MAP6: variants seen among roughly 807,000 people sequenced by gnomAD.
MAP6 encodes microtubule-associated protein 6.
MAP6 carries 26 observed loss-of-function variants against 42.4 expected under a neutral mutation model. The observed-to-expected ratio is 0.61, with a 90% confidence interval of 0.45 to 0.85. MAP6 has a LOEUF of 0.85. Ranked by LOEUF, MAP6 falls within the 40% of genes least tolerant of loss-of-function variation. The probability of loss-of-function intolerance (pLI) is 0.00; values close to 1 mark genes in which losing one functional copy is unlikely to be tolerated. For synonymous variants in MAP6, 418 were observed against 443.8 expected (o/e 0.94, Z 0.73); for missense variants, 966 against 1,099.0 (o/e 0.88, Z 1.71).
In MAP6 at chr11:75,623,183, T is replaced by C. The variant is rs1297321946; in HGVS notation, c.906-14861A>G. Among the ~76,000 whole-genome samples, 5 of 152,228 alleles carry C rather than the reference T, an allele frequency of 3.3e-5. No homozygotes were observed. The East Asian group carries it at 9.6e-4, about 29-fold the overall frequency. Reference sequence around the variant, plus strand: ...AGCAACAAAAAGAAATGAACCAATATGGATGACTCTTAAAAAGCATGCTAA... The same window carrying C: ...AGCAACAAAAAGAAATGAACCAATACGGATGACTCTTAAAAAGCATGCTAA... On this transcript the variant is annotated intron_variant, in intron 1 of 3. Transcript: ENST00000304771.
chr11:75,589,086 G>A (rs752574205), intron 3 of MAP6, among the ~76,000 whole-genome samples: 2 of 152,152 alleles, frequency 1.3e-5, no homozygotes, highest in Non-Finnish European at 2.9e-5. Context: ...GTAGGGATGA[G>A]GCCCTGATCC....
chr11:75,667,948 C>A lies in MAP6; in HGVS notation c.422G>T (p.Ser141Ile). ...GGGAGCGTCGGAGGGCTGGTATTCG[C>A]TGCGCGGCCGGCAGCTGGGCTCGGG... ...QRPEPSCRPR[S>I]EYQPSDAPFE... The change falls in exon 1 of 4, where the codon AGC (serine) becomes ATC (isoleucine). Residue 141 changes from serine (S) to isoleucine (I), a missense_variant. Physicochemically the swap from Ser to Ile is moderately radical, Grantham distance 142. Around this residue, in one of 2 missense-constraint regions of MAP6, gnomAD observed 943 missense variants for 1,049.9 expected, o/e 0.90. Transcript: ENST00000304771. This position sits in a 1 kb window ranked among gnomAD's most constrained non-coding sequence, Gnocchi z 5.6. The A allele has an allele frequency of 7.4e-7, 1 of 1,345,258 alleles. No individual in the cohort carries two copies. The highest frequency in any genetic ancestry group is 1.8e-5 in the South Asian group (1 of 55,134). The allele number at this position is 1,345,258 out of a possible 1,614,324, so 83.3% of individuals were successfully genotyped here. A position where few individuals can be genotyped will look rare whatever the true frequency, so the allele number is the denominator to read the frequency against.
chr11:75,612,032 C>T (rs1942904395), intron 1 of MAP6, among the ~76,000 whole-genome samples: 1 of 152,264 alleles, frequency 6.6e-6, no homozygotes, highest in South Asian at 2.1e-4. Flanking sequence ...CAGGGCCTGG[C>T]CTGCTGCCTG....
At chr11:75,638,762 T>C (rs2135651340) in intron 1 of MAP6, among the ~76,000 whole-genome samples, 1 of 152,272 alleles carries the variant, frequency 6.6e-6, no homozygotes, top group Non-Finnish European at 1.5e-5. Flanking sequence ...CTCAAATAAC[T>C]AAAAATAGAA....
At position 75,603,912 on chromosome 11, in the gene MAP6, A is replaced by C. The variant is rs1234521534; in HGVS notation, c.1316+1896T>G. On this transcript the variant is annotated intron_variant, in intron 3 of 3. Coordinates refer to ENST00000304771, the MANE Select transcript of MAP6 (RefSeq NM_033063.2). ...TGTCTGACTAATGCCAAATCTTGAGAGACTGAACATACATTGGCAAATCCT... is the reference window on the plus strand; with the variant it reads ...TGTCTGACTAATGCCAAATCTTGAGCGACTGAACATACATTGGCAAATCCT... The C allele has an allele frequency of 4.1e-6, 4 of 985,422 alleles. No individual in the cohort carries two copies. The East Asian group carries it at 4.5e-4, about 112-fold the overall frequency. The allele number at this position is 985,422 out of a possible 1,614,324, so 61.0% of individuals were successfully genotyped here.
chr11:75,624,088 C>T (rs1428633061), intron 1 of MAP6, among the ~76,000 whole-genome samples: 1 of 152,240 alleles, frequency 6.6e-6, no homozygotes, highest in Non-Finnish European at 1.5e-5. Context: ...GCTTCGATAT[C>T]TCTCTTTCTT....
At chr11:75,657,852 A>T (rs1434662774) in intron 1 of MAP6, among the ~76,000 whole-genome samples, 1 of 151,904 alleles carries the variant, frequency 6.6e-6, no homozygotes, top group African/African-American at 2.4e-5. Flanking sequence ...ACTTATAAGG[A>T]CTCTTGTGAT....
At chr11:75,626,293 G>C (rs1943193032) in intron 1 of MAP6, among the ~76,000 whole-genome samples, 1 of 152,132 alleles carries the variant, frequency 6.6e-6, no homozygotes, top group African/African-American at 2.4e-5. Flanking sequence ...ACAGACATCT[G>C]AACACTTTCA....
chr11:75,660,760 A>C (rs1943830240), intron 1 of MAP6, among the ~76,000 whole-genome samples: 1 of 152,158 alleles, frequency 6.6e-6, no homozygotes, highest in Admixed American at 6.5e-5. Context: ...TCAGTGACTC[A>C]TTATTGTCTA....
Position 75,668,902 on chromosome 11 carries a change from TGCCCGCGAGGATGCCGCAGCCGCCGCC to T in MAP6, c.-560_-534del. On this transcript the variant is annotated 5_prime_UTR_variant, in exon 1 of 4. Coordinates refer to ENST00000304771, the MANE Select transcript of MAP6 (RefSeq NM_033063.2). Reference sequence around the variant, plus strand: ...GACCGAGCATTGCTGCCTCCGCCGCTGCCCGCGAGGATGCCGCAGCCGCCGCCGCCACCGCCTCTTCTCCTGGGAAGC... The same window carrying T: ...GACCGAGCATTGCTGCCTCCGCCGCTGCCACCGCCTCTTCTCCTGGGAAGC... 1 of 163,394 alleles carries T rather than the reference TGCCCGCGAGGATGCCGCAGCCGCCGCC, an allele frequency of 6.1e-6. No homozygotes were observed. The highest frequency in any genetic ancestry group is 1.3e-4 in the South Asian group (1 of 7,506). 10.1% of individuals were successfully genotyped at this position (163,394 alleles called of 1,614,324 possible). A position where few individuals can be genotyped will look rare whatever the true frequency, so the allele number is the denominator to read the frequency against.
intron 1 of MAP6, among the ~76,000 whole-genome samples, chr11:75,617,514 CAAAAAAAAAAAAAA>C (rs61477947): frequency 3.6e-5 from 1 of 28,154 alleles, no homozygotes; most frequent in Non-Finnish European, 7.8e-5. Context: ...AGACTGTCTC[CAAAAAAAAAAAAAA>C]AAAAAAAAAA....
intron 1 of MAP6, among the ~76,000 whole-genome samples, chr11:75,633,938 G>A (rs538355019): frequency 1.3e-5 from 2 of 152,294 alleles, no homozygotes; most frequent in East Asian, 1.9e-4. Context: ...ATGTAGCTCC[G>A]AGTGGCACGA....
Position 75,606,022 on chromosome 11 carries a change from C to A in MAP6, c.1120-18G>T, listed in dbSNP as rs146759637. 114 of 1,610,126 alleles carry A rather than the reference C, an allele frequency of 7.1e-5. No homozygotes were observed. The African/African-American group carries it at 1.2e-3, about 17-fold the overall frequency. ...TTTTCCACCTGTACGGAGAGACAGA[C>A]CGCAAATACAGAAACACAAAAAGGT... On this transcript the variant is annotated intron_variant, in intron 2 of 3. Coordinates refer to ENST00000304771, the MANE Select transcript of MAP6 (RefSeq NM_033063.2).
Position 75,600,056 on chromosome 11 carries a change from T to A in MAP6, c.1316+5752A>T, listed in dbSNP as rs535625884. 5.9e-5 allele frequency among the ~76,000 whole-genome samples: 9 copies of A among 152,344 alleles called. No individual in the cohort carries two copies. In the South Asian group the frequency reaches 1.9e-3, roughly 32 times the overall value. On this transcript the variant is annotated intron_variant, in intron 3 of 3. Coordinates refer to ENST00000304771, the MANE Select transcript of MAP6 (RefSeq NM_033063.2). ...TCTTTAAAAGCAATCTTCTTAAGAATGTTTGCCTCAATCAACTTCGTGTAT... is the reference window on the plus strand; with the variant it reads ...TCTTTAAAAGCAATCTTCTTAAGAAAGTTTGCCTCAATCAACTTCGTGTAT...
chr11:75,609,289 T>C (rs1942843412), intron 1 of MAP6, among the ~76,000 whole-genome samples: 2 of 152,192 alleles, frequency 1.3e-5, no homozygotes, highest in South Asian at 4.1e-4. Context: ...ATGAACTCTG[T>C]GGCTTCTGGG....
intron 3 of MAP6, chr11:75,605,160 A>G (rs1386892930): frequency 3.0e-6 from 3 of 985,354 alleles, no homozygotes; most frequent in Non-Finnish European, 3.6e-6. Flanking sequence ...TGGCGTATCT[A>G]TGACTCGGTA....
rs929404414 is a variant in MAP6, at chr11:75,630,874, T to C, written c.906-22552A>G. Among the ~76,000 whole-genome samples the C allele has an allele frequency of 1.4e-4, 22 of 152,372 alleles. No homozygotes were observed. The South Asian group carries it at 2.3e-3, about 16-fold the overall frequency. ...TAAGAACAATTGTCCAAATGTATCA[T>C]AGAATTTGTTAATAATGAAAATTCC... On this transcript the variant is annotated intron_variant, in intron 1 of 3. Transcript: ENST00000304771.
intron 1 of MAP6, among the ~76,000 whole-genome samples, chr11:75,660,872 A>C (rs945374627): frequency 5.3e-5 from 8 of 152,178 alleles, no homozygotes; most frequent in Non-Finnish European, 8.8e-5. Context: ...AATAAAAATA[A>C]GAGTAAAATT....
At chr11:75,634,469 G>T (rs1476514147) in intron 1 of MAP6, among the ~76,000 whole-genome samples, 2 of 152,132 alleles carry the variant, frequency 1.3e-5, no homozygotes, top group Non-Finnish European at 2.9e-5. Context: ...TAGAGACAGG[G>T]TTTCACCATG....
Sources: allele counts gnomAD v4.1 joint callset (sites outside exome capture counted in the v4.1 genomes callset), GRCh38; gene constraint gnomAD v4.1.1; regional missense constraint gnomAD v4.1.1; non-coding constraint Gnocchi (gnomAD v3.1); transcripts MANE v1.5; gene names NCBI Gene and HGNC (gene_info 2026-07-23, HGNC 2026-07-21).